NALCN: variants seen among roughly 807,000 people sequenced by gnomAD.
NALCN encodes sodium leak channel, non-selective.
NALCN carries 111 observed loss-of-function variants against 225.3 expected under a neutral mutation model. That is an observed-to-expected ratio of 0.49 (90% CI 0.42 to 0.58). The LOEUF is 0.58. NALCN is among the 20% of genes least tolerant of loss of function. NALCN has a pLI of 0.00. For synonymous variants in NALCN, 764 were observed against 769.0 expected (o/e 0.99, Z 0.11); for missense variants, 1,378 against 2,202.4 (o/e 0.63, Z 7.49).
intron 43 of NALCN, 147 bp downstream of exon 43, chr13:101,057,792 G>C: frequency 1.4e-6 from 1 of 714,240 alleles, no homozygotes; most frequent in Non-Finnish European, 2.5e-6. Flanking sequence ...CAATGTTTTT[G>C]ACAAGACTAC....
chr13:101,336,293 T>C (rs2045376930), intron 7 of NALCN, among the ~76,000 whole-genome samples: 1 of 152,172 alleles, frequency 6.6e-6, no homozygotes, highest in African/African-American at 2.4e-5. Context: ...GTCCATAGCT[T>C]ATAGTCAATA....
At chr13:101,060,578 AC>A (rs2031829137) in intron 41 of NALCN, among the ~76,000 whole-genome samples, 1 of 150,778 alleles carries the variant, frequency 6.6e-6, no homozygotes, top group East Asian at 2.0e-4. Context: ...GGCATGAGAC[AC>A]TGTGCCCAGC....
At chr13:101,312,567 T>C (rs1373693636) in intron 7 of NALCN, among the ~76,000 whole-genome samples, 1 of 152,124 alleles carries the variant, frequency 6.6e-6, no homozygotes, top group Non-Finnish European at 1.5e-5. Flanking sequence ...TGTGTCTTTG[T>C]TCTCGTTGGT....
rs144269548 is a variant in NALCN at position 101,217,972 on chromosome 13, T to C, written c.1626+11421A>G. Among the ~76,000 whole-genome samples the C allele has an allele frequency of 1.2e-4, 19 of 152,258 alleles. 1 individual carries two copies. The East Asian group carries it at 3.5e-3, about 28-fold the overall frequency. ...TTGGAGACAGAGCTGAGAGAAATCT[T>C]GTCCAGGTTTTGGGTCTGACCCAAG... On this transcript the variant is annotated intron_variant, in intron 13 of 43. Coordinates refer to ENST00000251127, the MANE Select transcript of NALCN (RefSeq NM_052867.4).
At chr13:101,161,334 G>A (rs2038172764) in intron 15 of NALCN, among the ~76,000 whole-genome samples, 1 of 152,208 alleles carries the variant, frequency 6.6e-6, no homozygotes, top group African/African-American at 2.4e-5. Flanking sequence ...CCAAGGCTGA[G>A]TTGATGAACG....
At chr13:101,208,526 G>A (rs2040407441) in intron 13 of NALCN, among the ~76,000 whole-genome samples, 2 of 152,318 alleles carry the variant, frequency 1.3e-5, no homozygotes, top group South Asian at 4.1e-4. Flanking sequence ...ATCATTCATT[G>A]TGACACTTTG....
intron 10 of NALCN, among the ~76,000 whole-genome samples, chr13:101,271,061 T>C (rs2042760372): frequency 6.6e-6 from 1 of 152,130 alleles, no homozygotes; most frequent in African/African-American, 2.4e-5. Flanking sequence ...GAAAATATAA[T>C]AGGAGACAGG....
At chr13:101,160,048 G>A (rs1398536538) in intron 15 of NALCN, among the ~76,000 whole-genome samples, 5 of 152,086 alleles carry the variant, frequency 3.3e-5, no homozygotes, top group Non-Finnish European at 7.4e-5. Context: ...TCTGCCTCCT[G>A]GGTTCAAGCG....
intron 13 of NALCN, among the ~76,000 whole-genome samples, chr13:101,200,723 A>G (rs7333295): frequency 0.26 from 39,604 of 151,926 alleles, 5,445 homozygotes; most frequent in East Asian, 0.37. Flanking sequence ...AAGCCCCAAG[A>G]ACCCATTTCT....
chr13:101,260,153 C>T (rs1349021642), intron 10 of NALCN, among the ~76,000 whole-genome samples: 5 of 152,088 alleles, frequency 3.3e-5, no homozygotes, highest in South Asian at 2.1e-4. Flanking sequence ...TGGCTTATTT[C>T]GCTTAACATA....
At chr13:101,392,493 T>G (rs2047174188) in intron 3 of NALCN, among the ~76,000 whole-genome samples, 1 of 152,188 alleles carries the variant, frequency 6.6e-6, no homozygotes, top group African/African-American at 2.4e-5. Flanking sequence ...AAATTAAAGT[T>G]TATTCACTTA....
chr13:101,177,432 T>TATATATATATATATATATATATATAG (rs2039007479), intron 14 of NALCN, among the ~76,000 whole-genome samples: 1 of 147,362 alleles, frequency 6.8e-6, no homozygotes. Context: ...TATATATATA[T>TATATATATATATATATATATATATAG]GGTAGAAGCT....
At chr13:101,127,254 A>C (rs528940991) in intron 17 of NALCN, among the ~76,000 whole-genome samples, 1 of 152,360 alleles carries the variant, frequency 6.6e-6, no homozygotes, top group South Asian at 2.1e-4. Context: ...GTATTAATTC[A>C]TACAGGAGAG....
intron 15 of NALCN, among the ~76,000 whole-genome samples, chr13:101,163,630 T>G (rs1327399958): frequency 6.6e-6 from 1 of 152,066 alleles, no homozygotes; most frequent in African/African-American, 2.4e-5. Flanking sequence ...CAGGCTGGCG[T>G]AGGATTCCAA....
chr13:101,082,032 C>T (rs1181037388), intron 33 of NALCN, among the ~76,000 whole-genome samples: 1 of 152,052 alleles, frequency 6.6e-6, no homozygotes, highest in Non-Finnish European at 1.5e-5. Flanking sequence ...CACGTGCAAC[C>T]ACTCCTGGCT....
At chr13:101,257,727 T>C (rs1195757580) in intron 11 of NALCN, among the ~76,000 whole-genome samples, 2 of 152,136 alleles carry the variant, frequency 1.3e-5, no homozygotes, top group East Asian at 3.8e-4. Context: ...TATGTAACCA[T>C]TGAATTCTGA....
intron 15 of NALCN, among the ~76,000 whole-genome samples, chr13:101,160,389 T>C (rs16958516): frequency 0.043 from 6,573 of 152,132 alleles, 421 homozygotes; most frequent in African/African-American, 0.14. Flanking sequence ...ACAGGAGCCA[T>C]ATGAAGGTGT....
chr13:101,196,760 G>A (rs1380582666), intron 13 of NALCN, among the ~76,000 whole-genome samples: 4 of 152,066 alleles, frequency 2.6e-5, no homozygotes, highest in Non-Finnish European at 5.9e-5. Context: ...AGTCCTAAGT[G>A]TTCACTTCCC....
intron 12 of NALCN, among the ~76,000 whole-genome samples, chr13:101,230,891 T>C (rs1439931819): frequency 6.6e-6 from 1 of 152,214 alleles, no homozygotes; most frequent in Non-Finnish European, 1.5e-5. Flanking sequence ...CGCATAACTT[T>C]TGAGTCAAGT....
Sources: gnomAD v4.1 joint callset for allele counts (sites outside exome capture counted in the v4.1 genomes callset) on GRCh38, gnomAD v4.1.1 for gene constraint, MANE v1.5 for transcripts, NCBI Gene and HGNC (gene_info 2026-07-23, HGNC 2026-07-21) for gene names.